The following ZFX variants were observed in gnomAD, a reference collection of about 807,000 sequenced individuals.
ZFX encodes zinc finger X-chromosomal protein.
For missense variants in ZFX, 362 were observed against 628.3 expected, an observed-to-expected ratio of 0.58 and a Z score of 4.53; for synonymous variants, 196 against 226.8, an observed-to-expected ratio of 0.86 and a Z score of 1.22.
At chrX:24,173,538 T>G in intron 4 of ZFX, 1 of 1,097,670 alleles carries the variant, frequency 9.1e-7, no homozygotes, top group South Asian at 2.2e-5. Flanking sequence ...TATTTCAGAT[T>G]ACCCATGGTT....
chrX:24,196,594 A>G (rs1936938552), intron 5 of ZFX, among the ~76,000 whole-genome samples: 5 of 109,639 alleles, frequency 4.6e-5, no homozygotes, highest in Admixed American at 2.9e-4. Context: ...CCCTTGTATT[A>G]CCTTTTTTTT....
chrX:24,205,200 C>A (rs930665530), intron 5 of ZFX, among the ~76,000 whole-genome samples: 4 of 112,259 alleles, frequency 3.6e-5, no homozygotes, highest in Non-Finnish European at 7.5e-5. Flanking sequence ...GTCCTGCTCC[C>A]CTCTAGTTGG....
intron 3 of ZFX, among the ~76,000 whole-genome samples, chrX:24,162,431 A>G (rs994650713): frequency 4.5e-5 from 5 of 112,017 alleles, no homozygotes. Flanking sequence ...AATAAGTTTA[A>G]TTTCCTTCAA....
rs752976626 is a variant in ZFX, at chrX:24,195,392, GC to G, written c.647-11931del. ...TTTTGAGATGGAGTCTCGCTCTGTT[GC>G]CCAGGCTGGAGTGCAGTGGCGCGAT... is the stretch of plus-strand genomic sequence containing the variant. On this transcript the variant is annotated intron_variant, in intron 5 of 9. Coordinates refer to ENST00000304543, the MANE Select transcript of ZFX (RefSeq NM_003410.4). 9.3e-3 allele frequency among the ~76,000 whole-genome samples: 964 copies of G among 103,451 alleles called. 16 individuals are homozygous for G. Among genetic ancestry groups the G allele is most frequent in the African/African-American group, 0.032 (884 of 28,058 alleles). 89.8% of individuals were successfully genotyped at this position (103,451 alleles called of 115,157 possible). A position where few individuals can be genotyped will look rare whatever the true frequency, so the allele number is the denominator to read the frequency against.
intron 5 of ZFX, among the ~76,000 whole-genome samples, chrX:24,198,689 C>T (rs1937090554): frequency 9.0e-6 from 1 of 110,805 alleles, no homozygotes; most frequent in Non-Finnish European, 1.9e-5. Flanking sequence ...AGCAGAGGTA[C>T]ACAGATATAG....
chrX:24,149,884 C>A (rs1454096732), intron 1 of ZFX, 90 bp downstream of exon 1: 1 of 108,894 alleles, frequency 9.2e-6, no homozygotes, highest in Non-Finnish European at 1.9e-5. Context: ...AGGCGCCCTC[C>A]CGCGCTAGGC....
intron 5 of ZFX, among the ~76,000 whole-genome samples, chrX:24,186,679 G>A (rs2254589): frequency 0.39 from 42,784 of 109,906 alleles, 6,176 homozygotes; most frequent in South Asian, 0.78. Context: ...TGATGATGAA[G>A]CAGTCCTCAT....
At chrX:24,167,243 A>C (rs1443006707) in intron 3 of ZFX, among the ~76,000 whole-genome samples, 1 of 111,540 alleles carries the variant, frequency 9.0e-6, no homozygotes, top group East Asian at 2.8e-4. Flanking sequence ...TTAAAGGAGA[A>C]CCTGGCTGGT....
intron 5 of ZFX, among the ~76,000 whole-genome samples, chrX:24,185,701 C>T (rs1346315392): frequency 8.9e-6 from 1 of 112,674 alleles, no homozygotes; most frequent in Middle Eastern, 4.2e-3. Flanking sequence ...CTGCTCACCT[C>T]GGCCTCCCGA....
chrX:24,160,637 TGTATACAA>T (rs1433206425), intron 3 of ZFX, among the ~76,000 whole-genome samples: 1 of 111,700 alleles, frequency 9.0e-6, no homozygotes, highest in African/African-American at 3.3e-5. Flanking sequence ...ATTATGTACA[TGTATACAA>T]TGTGTAATGG....
intron 5 of ZFX, among the ~76,000 whole-genome samples, chrX:24,202,089 A>C: frequency 8.9e-6 from 1 of 111,807 alleles, no homozygotes; most frequent in Non-Finnish European, 1.9e-5. Flanking sequence ...CTGCTTCCCT[A>C]AACCCAGCAT....
chrX:24,176,779 T>C (rs1386019475), intron 4 of ZFX, among the ~76,000 whole-genome samples: 4 of 110,801 alleles, frequency 3.6e-5, no homozygotes, highest in African/African-American at 1.3e-4. Context: ...TCTGAGGGCC[T>C]GGCCAGTGAC....
At chrX:24,206,170 A>G (rs1441809462) in intron 5 of ZFX, among the ~76,000 whole-genome samples, 2 of 112,018 alleles carry the variant, frequency 1.8e-5, no homozygotes, top group Non-Finnish European at 3.8e-5. Context: ...AAGCAGATTG[A>G]AGCTGAATTT....
chrX:24,207,207 A>G, intron 5 of ZFX, 119 bp from the exon 6 acceptor site: 2 of 765,165 alleles, frequency 2.6e-6, no homozygotes, highest in Non-Finnish European at 3.7e-6. Flanking sequence ...ACTGCACTCC[A>G]GCCTGGGTGA....
chrX:24,197,409 G>T (rs1044733522), intron 5 of ZFX, among the ~76,000 whole-genome samples: 6 of 111,934 alleles, frequency 5.4e-5, no homozygotes, highest in African/African-American at 1.9e-4. Context: ...TATGATCAAG[G>T]TAAAAGCCAC....
intron 3 of ZFX, among the ~76,000 whole-genome samples, chrX:24,168,703 C>T (rs1934265366): frequency 1.0e-5 from 1 of 99,615 alleles, no homozygotes; most frequent in Non-Finnish European, 2.0e-5. Context: ...TTTCTGTCCT[C>T]ACAGTCTGTT....
At position 24,210,786 on chromosome X, in the gene ZFX, T is replaced by G; in HGVS notation, c.1828T>G (p.Cys610Gly). ...SKEMPFKCDI[C>G]LLTFSDTKEV... ...AGAGATGCCATTCAAGTGTGACATT[T>G]GTCTTCTGACTTTCTCGGATACCAA... The change falls in exon 10 of 10, where the codon TGT becomes GGT. Residue 610 changes from cysteine (C) to glycine (G), a missense_variant. Cys to Gly is a radical substitution (Grantham distance 159, BLOSUM62 -3). Transcript: ENST00000304543. 8.3e-7 allele frequency: 1 copy of G among 1,212,071 alleles called. No individual in the cohort carries two copies. Among genetic ancestry groups the G allele is most frequent in the Non-Finnish European group, 1.1e-6 (1 of 895,618 alleles).
intron 5 of ZFX, among the ~76,000 whole-genome samples, chrX:24,182,011 G>A (rs1343069573): frequency 4.5e-5 from 5 of 111,097 alleles, no homozygotes; most frequent in Non-Finnish European, 7.5e-5. Flanking sequence ...AGATTAGGAA[G>A]AAAAATGGAT....
In ZFX at chrX:24,213,239, A is replaced by T. The variant is rs1417550474; in HGVS notation, c.*1863A>T. 2.7e-5 allele frequency: 3 copies of T among 112,382 alleles called. No homozygotes were observed. Among genetic ancestry groups the T allele is most frequent in the Non-Finnish European group, 5.6e-5 (3 of 53,213 alleles). The allele number at this position is 112,382 out of a possible 1,213,427, so 9.3% of individuals were successfully genotyped here. ...GTCTGAATCAGTGTCATACATTCAT[A>T]AAACAAACTCGGTTAATTAGAACTT... is the stretch of plus-strand genomic sequence containing the variant. On this transcript the variant is annotated 3_prime_UTR_variant, in exon 10 of 10. Transcript: ENST00000304543.
Sources: gnomAD v4.1 joint callset for allele counts (sites outside exome capture counted in the v4.1 genomes callset) on GRCh38, gnomAD v4.1.1 for gene constraint, MANE v1.5 for transcripts, NCBI Gene and HGNC (gene_info 2026-07-23, HGNC 2026-07-21) for gene names.